Variants in SMAP2 observed in about 807,000 individuals in gnomAD.
The protein encoded by SMAP2 is small ArfGAP2.
A neutral mutation model predicts 56.4 loss-of-function variants in SMAP2; 25 were observed. That is an observed-to-expected ratio of 0.44 (90% CI 0.32 to 0.62). The LOEUF is 0.62. Among genes scored for constraint, SMAP2 ranks in the 20% least tolerant of loss-of-function variants. The pLI is 0.04. For missense variants in SMAP2, 388 were observed against 545.6 expected (o/e 0.71, Z 2.88); for synonymous variants, 157 against 181.7 (o/e 0.86, Z 1.09).
chr1:40,371,180 A>G (rs892791513), upstream of SMAP2, among the ~76,000 whole-genome samples: 7 of 152,194 alleles, frequency 4.6e-5, no homozygotes, highest in Admixed American at 4.6e-4. Flanking sequence ...TCAAAAAAAA[A>G]AATTTTATAA....
In SMAP2 at chr1:40,386,301, G is replaced by A. The variant is rs553177196; in HGVS notation, c.103+12078G>A. ...CTGAAAGATTAGCTGTTTGGAACAG[G>A]GATTGACTTTGTCTCTCTGAAAGTA... On this transcript the variant is annotated intron_variant, in intron 1 of 9. Coordinates refer to ENST00000372718, the MANE Select transcript of SMAP2 (RefSeq NM_022733.3). The surrounding 1 kb of genome is among the most constrained non-coding windows in gnomAD (Gnocchi z 4.1). 3.0e-4 allele frequency among the ~76,000 whole-genome samples: 45 copies of A among 152,328 alleles called. 1 individual carries two copies. In the South Asian group the frequency reaches 9.1e-3, roughly 31 times the overall value.
chr1:40,406,697 G>T (rs1644888820), intron 1 of SMAP2, 39 bp from the exon 2 acceptor site: 1 of 1,573,982 alleles, frequency 6.4e-7, no homozygotes. Flanking sequence ...CTTGAATGTT[G>T]TAATTTGTAC....
At chr1:40,371,210 A>G (rs562077751), upstream of SMAP2, among the ~76,000 whole-genome samples, 5 of 152,292 alleles carry the variant, frequency 3.3e-5, no homozygotes, top group African/African-American at 1.2e-4. Context: ...AAACAGTTTT[A>G]TGATAAGATA....
intron 9 of SMAP2, among the ~76,000 whole-genome samples, chr1:40,421,382 C>T (rs1645040085): frequency 6.6e-6 from 1 of 152,046 alleles, no homozygotes; most frequent in Non-Finnish European, 1.5e-5. Flanking sequence ...CCATCCTGCC[C>T]CAGGCCTTAT....
At chr1:40,395,421 C>T (rs985970499) in intron 1 of SMAP2, among the ~76,000 whole-genome samples, 2 of 152,150 alleles carry the variant, frequency 1.3e-5, no homozygotes, top group Non-Finnish European at 2.9e-5. Flanking sequence ...GTGGCTCATG[C>T]CTGTAATCCC....
chr1:40,410,304 A>G (rs1469615343), intron 4 of SMAP2, among the ~76,000 whole-genome samples: 1 of 152,092 alleles, frequency 6.6e-6, no homozygotes, highest in Non-Finnish European at 1.5e-5. Flanking sequence ...ACCATGAGGC[A>G]GAAACAAACT....
chr1:40,394,190 A>G (rs891593676), intron 1 of SMAP2, among the ~76,000 whole-genome samples: 6 of 152,116 alleles, frequency 3.9e-5, no homozygotes, highest in Non-Finnish European at 8.8e-5. Flanking sequence ...TTTCAATCAC[A>G]CCATCTACCA....
chr1:40,405,884 C>CT (rs1557452243), intron 1 of SMAP2, among the ~76,000 whole-genome samples: 1 of 152,026 alleles, frequency 6.6e-6, no homozygotes, highest in African/African-American at 2.4e-5. Context: ...TTTGAGATTT[C>CT]TTTTTTGTTG....
In SMAP2 at chr1:40,416,846, C is replaced by T; in HGVS notation, c.914C>T (p.Pro305Leu). Residue 305 changes from proline (P) to leucine (L), a missense_variant, in exon 9 of 10, where the codon CCT becomes CTT. By Grantham distance (98) the Pro-to-Leu change is moderately conservative (BLOSUM62 -3). Coordinates refer to ENST00000372718, the MANE Select transcript of SMAP2 (RefSeq NM_022733.3). ...TACCCCAGCTTCCCCGGGGTTACAC[C>T]TCCTAACAGCATAATGGGGAGCATG... ...TAYPSFPGVT[P>L]PNSIMGSMMP... The T allele has an allele frequency of 6.2e-7, 1 of 1,614,132 alleles. No homozygotes were observed. Among genetic ancestry groups the T allele is most frequent in the Non-Finnish European group, 8.5e-7 (1 of 1,179,962 alleles).
At chr1:40,407,093 G>A (rs1196494867) in intron 2 of SMAP2, among the ~76,000 whole-genome samples, 1 of 152,048 alleles carries the variant, frequency 6.6e-6, no homozygotes, top group Non-Finnish European at 1.5e-5. Context: ...AATAGTCTAC[G>A]GTCTAGGATT....
chr1:40,380,564 C>G (rs1228010941), intron 1 of SMAP2, among the ~76,000 whole-genome samples: 2 of 139,228 alleles, frequency 1.4e-5, no homozygotes, highest in Admixed American at 7.9e-5. Flanking sequence ...GAGTCTCGCT[C>G]TGTTGCCCAG....
Position 40,382,970 on chromosome 1 carries a change from A to C in SMAP2, c.103+8747A>C, listed in dbSNP as rs185995454. ...TGTTTTAATTCTTAGGAAAGCTATT[A>C]ATTTTCTGAAAAATAAGTTTTAAAA... On this transcript the variant is annotated intron_variant, in intron 1 of 9. Coordinates refer to ENST00000372718, the MANE Select transcript of SMAP2 (RefSeq NM_022733.3). Among the ~76,000 whole-genome samples, 236 of 152,300 alleles carry C rather than the reference A, an allele frequency of 1.5e-3. 2 individuals are homozygous for C. The highest frequency in any genetic ancestry group is 3.2e-3 in the Non-Finnish European group (216 of 68,018).
At chr1:40,379,353 A>C (rs777656657) in intron 1 of SMAP2, among the ~76,000 whole-genome samples, 7 of 152,136 alleles carry the variant, frequency 4.6e-5, no homozygotes, top group Non-Finnish European at 1.0e-4. Context: ...ATTCCTTTGC[A>C]GTGCTTTTAT....
intron 2 of SMAP2, chr1:40,364,954 A>G (rs3013460): frequency 0.55 from 125,690 of 228,836 alleles, 36,798 homozygotes; most frequent in African/African-American, 0.73. Flanking sequence ...GACACACAAC[A>G]AAAACATGGT....
intron 1 of SMAP2, among the ~76,000 whole-genome samples, chr1:40,353,393 A>C (rs142821944): frequency 5.9e-4 from 90 of 152,146 alleles, no homozygotes; most frequent in African/African-American, 2.1e-3. Context: ...TTTGAGACAG[A>C]GTTTTGCTCT....
At chr1:40,354,707 G>A (rs1248572695) in intron 1 of SMAP2, among the ~76,000 whole-genome samples, 1 of 146,034 alleles carries the variant, frequency 6.8e-6, no homozygotes, top group Non-Finnish European at 1.5e-5. Context: ...AGCTTTAGTA[G>A]TATAACTTGT....
rs755154714 is a variant in SMAP2, at chr1:40,348,461, G to C, written c.-83+3551G>C. Among the ~76,000 whole-genome samples, 199 of 152,204 alleles carry C rather than the reference G, an allele frequency of 1.3e-3. 1 individual carries two copies. The highest frequency in any genetic ancestry group is 8.7e-4 in the Non-Finnish European group (59 of 68,006). On this transcript the variant is annotated intron_variant, in intron 1 of 6. Coordinates refer to the SMAP2 transcript ENST00000435168. ...TGTAATCCTAGCACTTTGGGAGGCC[G>C]AGGTGGGTGGATCACCTGAGGTCAG... is the stretch of plus-strand genomic sequence containing the variant.
At chr1:40,401,744 T>C in intron 1 of SMAP2, among the ~76,000 whole-genome samples, 1 of 152,192 alleles carries the variant, frequency 6.6e-6, no homozygotes, top group Admixed American at 6.5e-5. Context: ...GGATATTACG[T>C]ATATGCTTTT....
At chr1:40,402,734 C>T (rs959076297) in intron 1 of SMAP2, among the ~76,000 whole-genome samples, 4 of 152,188 alleles carry the variant, frequency 2.6e-5, no homozygotes, top group Non-Finnish European at 5.9e-5. Context: ...TTCCTGGCTT[C>T]TAGAACACCG....
Sources: gnomAD v4.1 joint callset for allele counts (sites outside exome capture counted in the v4.1 genomes callset) on GRCh38, gnomAD v4.1.1 for gene constraint, Gnocchi (gnomAD v3.1) non-coding constraint, MANE v1.5 for transcripts, NCBI Gene and HGNC (gene_info 2026-07-23, HGNC 2026-07-21) for gene names.